UGGT2: variants seen among roughly 807,000 people sequenced by gnomAD.
The protein encoded by UGGT2 is UDP-glucose glycoprotein glucosyltransferase 2, also known as UDP-glucose:glycoprotein glucosyltransferase 2.
UGGT2 carries 180 observed loss-of-function variants against 192.1 expected under a neutral mutation model. The ratio of observed to expected loss-of-function variants is 0.94; its 90% CI spans 0.83 to 1.06. The LOEUF (loss-of-function observed/expected upper bound fraction) is 1.06. UGGT2 is among the 50% of genes least tolerant of loss of function. UGGT2 has a pLI of 0.00. For synonymous variants in UGGT2, 580 were observed against 591.0 expected (o/e 0.98, Z 0.27); for missense variants, 1,849 against 1,795.7 (o/e 1.03, Z -0.54).
At position 95,993,262 on chromosome 13, in the gene UGGT2, G is replaced by A. The variant is rs544621565; in HGVS notation, c.830+2801C>T. ...CTATTAGAGTGGGAAGATGGCAAGG[G>A]CTGAAAAACTACCTGTTGGGTACTA... is the stretch of plus-strand genomic sequence containing the variant. On this transcript the variant is annotated intron_variant, in intron 7 of 38. Transcript: ENST00000376747. Among the ~76,000 whole-genome samples the A allele has an allele frequency of 1.3e-4, 20 of 152,232 alleles. No homozygotes were observed. The South Asian group carries it at 3.9e-3, about 30-fold the overall frequency.
At chr13:95,807,833 T>C (rs905822513) in intron 38 of UGGT2, among the ~76,000 whole-genome samples, 1 of 151,658 alleles carries the variant, frequency 6.6e-6, no homozygotes, top group Admixed American at 6.6e-5. Flanking sequence ...CCAGCAGGAA[T>C]GTATTGCTTG....
intron 2 of UGGT2, among the ~76,000 whole-genome samples, chr13:96,024,752 G>A (rs2052614556): frequency 1.3e-5 from 2 of 152,212 alleles, no homozygotes; most frequent in Non-Finnish European, 2.9e-5. Context: ...TGAGGTAGAT[G>A]AAGAGCAGTT....
At chr13:95,965,541 A>G (rs1349365732) in intron 12 of UGGT2, among the ~76,000 whole-genome samples, 1 of 141,302 alleles carries the variant, frequency 7.1e-6, no homozygotes, top group African/African-American at 2.6e-5. Context: ...GAATTGAACA[A>G]TGAGAACACA....
intron 2 of UGGT2, among the ~76,000 whole-genome samples, chr13:96,028,833 G>C (rs2139144505): frequency 6.6e-6 from 1 of 152,226 alleles, no homozygotes; most frequent in Non-Finnish European, 1.5e-5. Context: ...AAGATGTCTT[G>C]AAAACAAATT....
chr13:95,995,997 T>G (rs1442978732), intron 7 of UGGT2, 66 bp downstream of exon 7: 1 of 1,363,040 alleles, frequency 7.3e-7, no homozygotes, highest in Non-Finnish European at 1.0e-6. Context: ...CAAAACAGTA[T>G]ATCAAATTAA....
At chr13:95,940,971 G>A (rs73560841) in intron 15 of UGGT2, among the ~76,000 whole-genome samples, 2,530 of 152,250 alleles carry the variant, frequency 0.017, 72 homozygotes, top group African/African-American at 0.058. Context: ...CACACTTGTA[G>A]AATGTAAGCT....
chr13:95,921,393 T>C (rs2048841669), intron 20 of UGGT2, among the ~76,000 whole-genome samples: 1 of 151,228 alleles, frequency 6.6e-6, no homozygotes, highest in Non-Finnish European at 1.5e-5. Context: ...GTTGTTGTTG[T>C]TGCTGTTTTC....
chr13:95,836,984 G>A (rs146834596), intron 37 of UGGT2, 102 bp downstream of exon 37: 92 of 924,846 alleles, frequency 9.9e-5, no homozygotes, highest in African/African-American at 5.0e-4. Flanking sequence ...CAGAAGAAGC[G>A]AAGTAATACG....
chr13:95,863,328 G>T, intron 31 of UGGT2: 1 of 229,432 alleles, frequency 4.4e-6, no homozygotes, highest in Admixed American at 5.2e-5. Context: ...TTTAACTTTT[G>T]AAATCCTGTC....
chr13:96,003,172 G>A (rs2051862197), intron 5 of UGGT2, among the ~76,000 whole-genome samples: 1 of 152,148 alleles, frequency 6.6e-6, no homozygotes, highest in South Asian at 2.1e-4. Flanking sequence ...AACTTATTGT[G>A]TGTTCTGTCT....
rs1333463291 is a variant in UGGT2 at position 95,895,261 on chromosome 13, TA to T, written c.2677del (p.Tyr893ThrfsTer6). 1 of 1,553,264 alleles carries T rather than the reference TA, an allele frequency of 6.4e-7. No homozygotes were observed. On this transcript the variant is annotated frameshift_variant, in exon 23 of 39. Transcript: ENST00000376747. LOFTEE classifies it high-confidence loss of function. ...ACTAAATGTTATCTTTTCCAACAAG[TA>T]AAAATCTTCTGCATAAAAATCTTCA... ...LDEDFYAEDFYLLEKITFSNL... is the reference protein window; with the variant it reads ...LDEDFYAEDFXLLEKITFSNL...
chr13:95,905,895 G>T (rs1052842539), intron 20 of UGGT2, among the ~76,000 whole-genome samples: 1 of 151,978 alleles, frequency 6.6e-6, no homozygotes, highest in African/African-American at 2.4e-5. Context: ...TGTGTATGAC[G>T]TGAAAAGGGG....
chr13:95,854,053 C>T (rs988192048), intron 35 of UGGT2, among the ~76,000 whole-genome samples: 1 of 152,100 alleles, frequency 6.6e-6, no homozygotes, highest in Non-Finnish European at 1.5e-5. Context: ...TAAGCCTGGG[C>T]AAATTACATG....
chr13:95,955,503 A>C (rs763317041), intron 12 of UGGT2, among the ~76,000 whole-genome samples: 9 of 152,206 alleles, frequency 5.9e-5, no homozygotes, highest in Non-Finnish European at 1.0e-4. Context: ...GTTAGTTGCA[A>C]AACAGTAATA....
In UGGT2 at chr13:95,887,951, G is replaced by T; in HGVS notation, c.2979C>A (p.Asn993Lys). Residue 993 changes from asparagine to lysine, a missense_variant, in exon 26 of 39, where the codon AAC becomes AAA. Transcript: ENST00000376747. ...QLLVVLGKII[N>K]MKIKLFMNCR... ...AGTTCATGAACAACTTTATCTTCAT[G>T]TTGATAATCTTGCCAAGTACCTATT... 1 of 1,601,986 alleles carries T rather than the reference G, an allele frequency of 6.2e-7. No homozygotes were observed. The highest frequency in any genetic ancestry group is 8.5e-7 in the Non-Finnish European group (1 of 1,173,466).
At chr13:96,040,916 A>G (rs2139197599) in intron 1 of UGGT2, among the ~76,000 whole-genome samples, 1 of 152,310 alleles carries the variant, frequency 6.6e-6, no homozygotes, top group Non-Finnish European at 1.5e-5. Flanking sequence ...GTGTGAGATC[A>G]GATCTAGGCA....
intron 20 of UGGT2, among the ~76,000 whole-genome samples, chr13:95,908,347 T>G (rs2048359499): frequency 1.3e-5 from 2 of 152,176 alleles, no homozygotes; most frequent in Non-Finnish European, 2.9e-5. Flanking sequence ...CCAGGAGAAC[T>G]TCCCCAACCT....
chr13:95,946,923 C>G (rs1185129254), intron 15 of UGGT2, 114 bp downstream of exon 15: 2 of 1,166,842 alleles, frequency 1.7e-6, no homozygotes, highest in Non-Finnish European at 2.3e-6. Flanking sequence ...AGTTTATAAA[C>G]TTTGAAATGT....
chr13:95,863,672 C>T lies in UGGT2; in HGVS notation c.3601G>A (p.Asp1201Asn), dbSNP rs780094109. The stretch of plus-strand genomic sequence containing the variant: ...AGTCCTTTTGTTTTTTCATCTTCAT[C>T]GGTAAGGATATCTTCCTTAATTTTG... ...TDKIKEDILT[D>N]EDEKTKGLWD... Residue 1201 changes from aspartate to asparagine, a missense_variant, in exon 31 of 39, where the codon GAT (aspartate) becomes AAT (asparagine). Asp to Asn is a conservative substitution (Grantham distance 23). Coordinates refer to ENST00000376747, the MANE Select transcript of UGGT2 (RefSeq NM_020121.4). 1.9e-5 allele frequency: 30 copies of T among 1,612,604 alleles called. No individual in the cohort carries two copies. Among genetic ancestry groups the T allele is most frequent in the East Asian group, 1.1e-4 (5 of 44,726 alleles).
Sources: gnomAD v4.1 joint callset for allele counts (sites outside exome capture counted in the v4.1 genomes callset) on GRCh38, gnomAD v4.1.1 for gene constraint, MANE v1.5 for transcripts, NCBI Gene and HGNC (gene_info 2026-07-23, HGNC 2026-07-21) for gene names.